The following CACNA2D1 variants were observed in gnomAD, a reference collection of about 807,000 sequenced individuals.
CACNA2D1 encodes the protein calcium voltage-gated channel auxiliary subunit alpha2delta 1, also known as voltage-dependent calcium channel subunit alpha-2/delta-1.
Under a neutral mutation model 171.5 loss-of-function variants are expected in CACNA2D1, and 53 were observed. That is an observed-to-expected ratio of 0.31 (90% CI 0.25 to 0.39). The LOEUF is 0.39. CACNA2D1 is among the 10% of genes least tolerant of loss of function. The pLI is 1.00. For synonymous variants in CACNA2D1, 442 were observed against 443.1 expected, an observed-to-expected ratio of 1.00 and a Z score of 0.03; for missense variants, 903 against 1,299.8, an observed-to-expected ratio of 0.69 and a Z score of 4.69.
At chr7:82,170,355 C>T (rs1584988326) in intron 4 of CACNA2D1, among the ~76,000 whole-genome samples, 195 bp downstream of exon 4, 1 of 149,434 alleles carries the variant, frequency 6.7e-6, no homozygotes, top group African/African-American at 2.5e-5. Flanking sequence ...TAATATGGAA[C>T]ATAAAGTACA....
chr7:82,209,296 C>T (rs1800321527), intron 3 of CACNA2D1, among the ~76,000 whole-genome samples: 1 of 152,144 alleles, frequency 6.6e-6, no homozygotes, highest in Non-Finnish European at 1.5e-5. Context: ...ACATCTATGT[C>T]CACTGATCCA....
chr7:81,977,270 A>C (rs913761192), intron 24 of CACNA2D1, among the ~76,000 whole-genome samples: 3 of 152,136 alleles, frequency 2.0e-5, no homozygotes, highest in Non-Finnish European at 4.4e-5. Context: ...AGGGGTGCTG[A>C]ATTTCGTCGA....
intron 3 of CACNA2D1, among the ~76,000 whole-genome samples, chr7:82,202,966 T>C (rs1386071363): frequency 1.3e-5 from 2 of 152,050 alleles, no homozygotes; most frequent in Non-Finnish European, 2.9e-5. Flanking sequence ...ACTCTTAACT[T>C]TGTGGAGACA....
intron 1 of CACNA2D1, among the ~76,000 whole-genome samples, chr7:82,393,797 TCAAA>T (rs1342470383): frequency 3.6e-4 from 55 of 152,336 alleles, no homozygotes; most frequent in Middle Eastern, 3.4e-3. Context: ...TTTAAAATCA[TCAAA>T]CAAATGTGTA....
chr7:82,223,178 T>A (rs1801982759), intron 3 of CACNA2D1, among the ~76,000 whole-genome samples: 1 of 152,158 alleles, frequency 6.6e-6, no homozygotes, highest in South Asian at 2.1e-4. Context: ...AGTGCTGGGA[T>A]TATAGGCCTG....
chr7:82,142,198 C>T (rs258718), intron 4 of CACNA2D1, among the ~76,000 whole-genome samples: 1 of 152,062 alleles, frequency 6.6e-6, no homozygotes, highest in Non-Finnish European at 1.5e-5. Flanking sequence ...AAATTGTTTT[C>T]TTTCTGATTT....
At chr7:81,980,524 A>C (rs1796341914) in intron 24 of CACNA2D1, among the ~76,000 whole-genome samples, 1 of 152,196 alleles carries the variant, frequency 6.6e-6, no homozygotes, top group Non-Finnish European at 1.5e-5. Flanking sequence ...TGAAAGCTAT[A>C]ATATAAAGCA....
At chr7:81,950,778 A>G (rs770292398) in intron 38 of CACNA2D1, among the ~76,000 whole-genome samples, 3 of 152,214 alleles carry the variant, frequency 2.0e-5, no homozygotes, top group Non-Finnish European at 4.4e-5. Context: ...TTTGAATAAT[A>G]TACTAATTTT....
rs969051880 is a variant in CACNA2D1, at chr7:82,234,346, C to T, written c.295-63737G>A. 1.2e-4 allele frequency among the ~76,000 whole-genome samples: 18 copies of T among 152,062 alleles called. No homozygotes were observed. In the East Asian group the frequency reaches 3.3e-3, roughly 28 times the overall value. On this transcript the variant is annotated intron_variant, in intron 3 of 38. Transcript: ENST00000356860. ...TTATTTATAATTAAGATTCAACAAC[C>T]TAAAAAATATATTTTTTACTACCTT...
At chr7:82,057,320 G>A (rs1305047633) in intron 10 of CACNA2D1, among the ~76,000 whole-genome samples, 2 of 152,024 alleles carry the variant, frequency 1.3e-5, no homozygotes, top group African/African-American at 2.4e-5. Context: ...GAAAACCAAG[G>A]GGGTAAAGTA....
intron 7 of CACNA2D1, among the ~76,000 whole-genome samples, chr7:82,069,008 C>A (rs1316010805): frequency 6.6e-6 from 1 of 152,072 alleles, no homozygotes; most frequent in African/African-American, 2.4e-5. Context: ...TAATAATCTT[C>A]TCTTAGAGGC....
At chr7:82,430,566 C>T (rs1029215161) in intron 1 of CACNA2D1, among the ~76,000 whole-genome samples, 1 of 152,068 alleles carries the variant, frequency 6.6e-6, no homozygotes, top group Non-Finnish European at 1.5e-5. Flanking sequence ...CAAATTTGCA[C>T]CAGAAATTTT....
intron 1 of CACNA2D1, among the ~76,000 whole-genome samples, chr7:82,368,034 G>A (rs1024051855): frequency 9.2e-5 from 14 of 152,012 alleles, no homozygotes; most frequent in Non-Finnish European, 1.8e-4. Context: ...TGAAGCCATC[G>A]CATTAGCAAC....
chr7:82,165,485 AT>A (rs1795353635), intron 4 of CACNA2D1, among the ~76,000 whole-genome samples: 1 of 152,084 alleles, frequency 6.6e-6, no homozygotes, highest in Non-Finnish European at 1.5e-5. Context: ...TCTTTTCAAT[AT>A]AAAAAACAAA....
At position 81,967,682 on chromosome 7, in the gene CACNA2D1, T is replaced by C; in HGVS notation, c.2396-19A>G. The C allele has an allele frequency of 2.5e-6, 3 of 1,183,356 alleles. No homozygotes were observed. The African/African-American group carries it at 4.5e-5, about 18-fold the overall frequency. The allele number at this position is 1,183,356 out of a possible 1,614,324, so 73.3% of individuals were successfully genotyped here. A position where few individuals can be genotyped will look rare whatever the true frequency, so the allele number is the denominator to read the frequency against. On this transcript the variant is annotated intron_variant, in intron 29 of 38. Coordinates refer to ENST00000356860, the MANE Select transcript of CACNA2D1 (RefSeq NM_000722.4). ...CCAACAACTGAAAAATTAATTTGAATTAATTCAAAGGTATAATTAGATGTA... is the reference window on the plus strand; with the variant it reads ...CCAACAACTGAAAAATTAATTTGAACTAATTCAAAGGTATAATTAGATGTA...
chr7:82,192,440 GTGTGTA>G (rs1311927692), intron 3 of CACNA2D1, among the ~76,000 whole-genome samples: 1 of 147,546 alleles, frequency 6.8e-6, no homozygotes, highest in Non-Finnish European at 1.5e-5. Context: ...GTCTGTGTGT[GTGTGTA>G]TGTGTGTTTG....
Position 82,437,195 on chromosome 7 carries a change from T to C in CACNA2D1, c.95+6170A>G, listed in dbSNP as rs369822676. On this transcript the variant is annotated intron_variant, in intron 1 of 38. Transcript: ENST00000356860. The stretch of plus-strand genomic sequence containing the variant: ...ATTTTTCATTTGATTTGATGTTATA[T>C]ACAAATAATAATGTTATGGTTAATA... 1.1e-4 allele frequency among the ~76,000 whole-genome samples: 17 copies of C among 152,260 alleles called. No homozygotes were observed. The East Asian group carries it at 2.7e-3, about 24-fold the overall frequency.
At chr7:82,416,220 AT>A (rs1306828738) in intron 1 of CACNA2D1, among the ~76,000 whole-genome samples, 10 of 151,456 alleles carry the variant, frequency 6.6e-5, no homozygotes, top group Non-Finnish European at 1.5e-4. Context: ...GTCTCAAAAA[AT>A]AATAATAATA....
intron 4 of CACNA2D1, among the ~76,000 whole-genome samples, chr7:82,137,732 T>G (rs1377940030): frequency 1.5e-5 from 1 of 65,532 alleles, no homozygotes; most frequent in African/African-American, 7.5e-5. Flanking sequence ...AAAAAAAAAT[T>G]AGCCGGGCGT....
Sources: gnomAD v4.1 joint callset for allele counts (sites outside exome capture counted in the v4.1 genomes callset) on GRCh38, gnomAD v4.1.1 for gene constraint, MANE v1.5 for transcripts, NCBI Gene and HGNC (gene_info 2026-07-23, HGNC 2026-07-21) for gene names.